Variants in FNIP2 observed in about 807,000 individuals in gnomAD.
The protein encoded by FNIP2 is folliculin interacting protein 2.
Under a neutral mutation model 108.7 loss-of-function variants are expected in FNIP2, and 32 were observed. The observed-to-expected ratio is 0.29, with a 90% confidence interval of 0.22 to 0.40. The LOEUF (loss-of-function observed/expected upper bound fraction) is 0.40. Among genes scored for constraint, FNIP2 ranks in the 10% least tolerant of loss-of-function variants. FNIP2 has a pLI of 1.00. For missense variants in FNIP2, 1,202 were observed against 1,381.6 expected (o/e 0.87, Z 2.06); for synonymous variants, 480 against 496.7 (o/e 0.97, Z 0.45).
At chr4:158,872,342 C>G in intron 14 of FNIP2, 1 of 985,370 alleles carries the variant, frequency 1.0e-6, no homozygotes, top group Non-Finnish European at 1.2e-6. Flanking sequence ...CCCTCTGGCT[C>G]TATAATTCTT....
chr4:158,862,744 C>G (rs914989219), intron 12 of FNIP2, among the ~76,000 whole-genome samples: 3 of 152,022 alleles, frequency 2.0e-5, no homozygotes, highest in African/African-American at 4.8e-5. Flanking sequence ...CATTCTTGGT[C>G]ATACGGGAAG....
intron 14 of FNIP2, among the ~76,000 whole-genome samples, chr4:158,883,282 T>A (rs184470002): frequency 6.6e-6 from 1 of 152,040 alleles, no homozygotes; most frequent in Non-Finnish European, 1.5e-5. Flanking sequence ...GGCTCTGTCG[T>A]CCAGGCTGGA....
chr4:158,853,694 C>A (rs1019349447), intron 8 of FNIP2, among the ~76,000 whole-genome samples: 1 of 152,160 alleles, frequency 6.6e-6, no homozygotes, highest in South Asian at 2.1e-4. Context: ...GATAAACTTT[C>A]AAGATGTAAA....
At chr4:158,900,216 T>A in intron 16 of FNIP2, among the ~76,000 whole-genome samples, 1 of 152,108 alleles carries the variant, frequency 6.6e-6, no homozygotes, top group East Asian at 1.9e-4. Flanking sequence ...GAGACTGTTA[T>A]GATTTCCATT....
chr4:158,861,682 C>T lies in FNIP2; in HGVS notation c.1371C>T (p.His457=), dbSNP rs758069527. The T allele has an allele frequency of 1.9e-6, 3 of 1,613,940 alleles. No homozygotes were observed. Among genetic ancestry groups the T allele is most frequent in the South Asian group, 2.2e-5 (2 of 91,092 alleles). ...AWVPTVMPVD[H]PPIKAFSEKR... ...TCCCAACTGTCATGCCTGTGGATCA[C>T]CCTCCCATCAAAGCCTTCTCAGAGA... Residue 457 remains histidine (H), a synonymous_variant, in exon 12 of 17, where the codon CAC becomes CAT. Transcript: ENST00000264433.
At chr4:158,796,140 C>T (rs1302240248) in intron 1 of FNIP2, 2 of 152,102 alleles carry the variant, frequency 1.3e-5, no homozygotes, top group Admixed American at 6.5e-5. Context: ...CTTCCTATTA[C>T]AAATATTGAA....
At position 158,901,693 on chromosome 4, in the gene FNIP2, A is replaced by C. The variant is rs578244353; in HGVS notation, c.3267-2773A>C. Among the ~76,000 whole-genome samples the C allele has an allele frequency of 3.8e-3, 573 of 150,490 alleles. 5 individuals carry two copies. The highest frequency in any genetic ancestry group is 0.013 in the African/African-American group (536 of 40,770). ...TTGGAGGCTTTGTTCGTTTGTTTTC[A>C]TTTTTTCTGTAATCTTGTCTTCACG... On this transcript the variant is annotated intron_variant, in intron 16 of 16. Transcript: ENST00000264433.
At chr4:158,837,115 T>C (rs1778857374) in intron 7 of FNIP2, among the ~76,000 whole-genome samples, 1 of 152,194 alleles carries the variant, frequency 6.6e-6, no homozygotes, top group African/African-American at 2.4e-5. Flanking sequence ...CTGACAGGAC[T>C]GGCACTAGGG....
intron 7 of FNIP2, among the ~76,000 whole-genome samples, chr4:158,839,728 G>A (rs1779017223): frequency 6.6e-6 from 1 of 152,090 alleles, no homozygotes; most frequent in South Asian, 2.1e-4. Flanking sequence ...CTCTCAGTAG[G>A]CTCCCATGCT....
At chr4:158,883,949 CTTTTTTTTT>C (rs33942642) in intron 14 of FNIP2, among the ~76,000 whole-genome samples, 3 of 89,000 alleles carry the variant, frequency 3.4e-5, no homozygotes, top group East Asian at 3.6e-4. Context: ...TTAATAAGCT[CTTTTTTTTT>C]TTTTTTTTTT....
chr4:158,803,610 A>T (rs180764250), intron 1 of FNIP2, among the ~76,000 whole-genome samples: 3 of 152,336 alleles, frequency 2.0e-5, no homozygotes, highest in Admixed American at 2.0e-4. Context: ...TTAACATATA[A>T]TAGTTGTGGT....
At chr4:158,856,081 A>G (rs960376264) in intron 8 of FNIP2, among the ~76,000 whole-genome samples, 1 of 152,116 alleles carries the variant, frequency 6.6e-6, no homozygotes, top group African/African-American at 2.4e-5. Flanking sequence ...GTAGGCTTTG[A>G]TTACTGGATG....
intron 1 of FNIP2, among the ~76,000 whole-genome samples, chr4:158,801,265 G>A (rs1384538670): frequency 1.3e-5 from 2 of 152,104 alleles, no homozygotes; most frequent in Non-Finnish European, 2.9e-5. Context: ...GTAGGGCAGG[G>A]TTCATGGCAA....
rs1013280996 is a variant in FNIP2 at position 158,907,063 on chromosome 4, T to G, written c.*2519T>G. ...GTGTAACTTTTGTAGCATCTTGCTT[T>G]TCCAAGCAAGCTAGTGAGGCATGAC... On this transcript the variant is annotated 3_prime_UTR_variant, in exon 17 of 17. Coordinates refer to ENST00000264433, the MANE Select transcript of FNIP2 (RefSeq NM_020840.3). 2.0e-5 allele frequency: 3 copies of G among 152,262 alleles called. No individual in the cohort carries two copies. Among genetic ancestry groups the G allele is most frequent in the Non-Finnish European group, 4.4e-5 (3 of 68,040 alleles). 9.4% of individuals were successfully genotyped at this position (152,262 alleles called of 1,614,324 possible). A position where few individuals can be genotyped will look rare whatever the true frequency, so the allele number is the denominator to read the frequency against.
At chr4:158,887,449 C>T (rs1393161776) in intron 14 of FNIP2, among the ~76,000 whole-genome samples, 1 of 152,052 alleles carries the variant, frequency 6.6e-6, no homozygotes, top group Admixed American at 6.6e-5. Context: ...AAAAAATAGT[C>T]TTCCCAGCCA....
At chr4:158,833,122 A>G (rs1401951077) in intron 5 of FNIP2, among the ~76,000 whole-genome samples, 1 of 152,230 alleles carries the variant, frequency 6.6e-6, no homozygotes, top group Non-Finnish European at 1.5e-5. Context: ...GTAAAAATTA[A>G]TTTCATTTTG....
chr4:158,769,232 A>G lies in FNIP2; in HGVS notation c.20A>G (p.Gln7Arg). ...GGCATCATGGCCCCGACCCTGCTCCAGAAGCTCTTCAACAAAAGGGGCAGC... is the reference window on the plus strand; with the variant it reads ...GGCATCATGGCCCCGACCCTGCTCCGGAAGCTCTTCAACAAAAGGGGCAGC... MAPTLLQKLFNKRGSSG... is the reference protein window; with the variant it reads MAPTLLRKLFNKRGSSG... The change falls in exon 1 of 17, where the codon CAG (glutamine) becomes CGG (arginine). Residue 7 changes from glutamine to arginine, a missense_variant. Physicochemically the swap from Gln to Arg is conservative, Grantham distance 43. Transcript: ENST00000264433. 1 of 1,518,274 alleles carries G rather than the reference A, an allele frequency of 6.6e-7. No homozygotes were observed. Among genetic ancestry groups the G allele is most frequent in the Non-Finnish European group, 8.8e-7 (1 of 1,136,376 alleles). 94.1% of individuals were successfully genotyped at this position (1,518,274 alleles called of 1,614,324 possible).
chr4:158,863,864 G>A (rs1390170316), intron 12 of FNIP2, among the ~76,000 whole-genome samples: 1 of 152,138 alleles, frequency 6.6e-6, no homozygotes, highest in African/African-American at 2.4e-5. Flanking sequence ...GAAATGAAAA[G>A]GAGCTTTTCT....
intron 16 of FNIP2, among the ~76,000 whole-genome samples, chr4:158,897,489 C>T (rs1782798413): frequency 6.6e-6 from 1 of 152,176 alleles, no homozygotes; most frequent in Non-Finnish European, 1.5e-5. Context: ...TTCTCCACAT[C>T]CTCTCAAGCA....
Sources: allele counts gnomAD v4.1 joint callset (sites outside exome capture counted in the v4.1 genomes callset), GRCh38; gene constraint gnomAD v4.1.1; transcripts MANE v1.5; gene names NCBI Gene and HGNC (gene_info 2026-07-23, HGNC 2026-07-21).